ERBB4: variants seen among roughly 807,000 people sequenced by gnomAD.
ERBB4 encodes the protein erb-b2 receptor tyrosine kinase 4.
A neutral mutation model predicts 158.0 loss-of-function variants in ERBB4; 42 were observed. That is an observed-to-expected ratio of 0.27 (90% CI 0.21 to 0.34). The LOEUF (loss-of-function observed/expected upper bound fraction) is 0.34, where lower values mean the gene tolerates loss of function less well. ERBB4 is among the 10% of genes least tolerant of loss of function. The pLI is 1.00. For synonymous variants in ERBB4, 583 were observed against 558.7 expected, an observed-to-expected ratio of 1.04 and a Z score of -0.61; for missense variants, 1,333 against 1,624.1, an observed-to-expected ratio of 0.82 and a Z score of 3.08.
chr2:211,688,185 T>C (rs2072646513), intron 12 of ERBB4, among the ~76,000 whole-genome samples: 1 of 152,256 alleles, frequency 6.6e-6, no homozygotes, highest in African/African-American at 2.4e-5. Flanking sequence ...TTACCATTTC[T>C]GGTGCTCCTC....
At chr2:212,412,916 C>T (rs570458965) in intron 1 of ERBB4, among the ~76,000 whole-genome samples, 1 of 152,024 alleles carries the variant, frequency 6.6e-6, no homozygotes, top group Non-Finnish European at 1.5e-5. Context: ...CAGAATAATT[C>T]CCTCTGTATT....
chr2:212,177,977 T>G (rs1014895937), intron 1 of ERBB4, among the ~76,000 whole-genome samples: 3 of 151,612 alleles, frequency 2.0e-5, no homozygotes, highest in Non-Finnish European at 4.4e-5. Flanking sequence ...TGTGTGTGTG[T>G]GTGTTGGGAA....
intron 1 of ERBB4, among the ~76,000 whole-genome samples, chr2:212,212,307 T>C (rs1355829122): frequency 2.0e-5 from 3 of 152,026 alleles, no homozygotes; most frequent in African/African-American, 7.2e-5. Context: ...TGAACTCCCA[T>C]TTACAATTGC....
intron 1 of ERBB4, among the ~76,000 whole-genome samples, chr2:212,225,457 G>A (rs1042998539): frequency 7.2e-4 from 82 of 113,438 alleles, no homozygotes; most frequent in Non-Finnish European, 2.3e-4. Context: ...TTGATCTTTC[G>A]AATTATGAAA....
intron 1 of ERBB4, among the ~76,000 whole-genome samples, chr2:212,475,583 A>G (rs1689346014): frequency 6.6e-6 from 1 of 152,126 alleles, no homozygotes; most frequent in Non-Finnish European, 1.5e-5. Context: ...CAATTATAAG[A>G]ATATGCTATT....
chr2:211,603,320 T>A (rs772553190), intron 19 of ERBB4, among the ~76,000 whole-genome samples: 1 of 152,118 alleles, frequency 6.6e-6, no homozygotes, highest in Non-Finnish European at 1.5e-5. Context: ...CCTGTAAGTA[T>A]CTGACATTGG....
At chr2:211,497,206 A>C in intron 20 of ERBB4, among the ~76,000 whole-genome samples, 1 of 152,262 alleles carries the variant, frequency 6.6e-6, no homozygotes, top group Middle Eastern at 3.4e-3. Flanking sequence ...GGCATGTATT[A>C]TTTCCATAAC....
chr2:212,149,436 T>G (rs933692196), intron 1 of ERBB4, among the ~76,000 whole-genome samples: 3 of 152,140 alleles, frequency 2.0e-5, no homozygotes, highest in Admixed American at 6.5e-5. Flanking sequence ...TGTAGTAAAT[T>G]GAACATGAAA....
chr2:211,750,927 A>G (rs2075113844), intron 4 of ERBB4, among the ~76,000 whole-genome samples: 1 of 152,186 alleles, frequency 6.6e-6, no homozygotes, highest in Admixed American at 6.5e-5. Context: ...TCCTCTTATC[A>G]TTTTTTAGGA....
intron 20 of ERBB4, among the ~76,000 whole-genome samples, chr2:211,467,010 T>C (rs1477913467): frequency 1.3e-5 from 2 of 152,126 alleles, no homozygotes; most frequent in East Asian, 1.9e-4. Context: ...CATTATATTA[T>C]ATATATTACT....
At chr2:212,165,063 G>A (rs777029054) in intron 1 of ERBB4, among the ~76,000 whole-genome samples, 11 of 151,760 alleles carry the variant, frequency 7.2e-5, no homozygotes, top group Non-Finnish European at 1.3e-4. Context: ...TGCTGCGGTC[G>A]ACTTTGTCCA....
chr2:212,489,138 A>G (rs980284349), intron 1 of ERBB4, among the ~76,000 whole-genome samples: 17 of 151,868 alleles, frequency 1.1e-4, no homozygotes, highest in African/African-American at 4.1e-4. Flanking sequence ...ATAATAGTTA[A>G]GTATAAAATA....
intron 1 of ERBB4, among the ~76,000 whole-genome samples, chr2:212,160,907 G>C (rs2081184845): frequency 6.6e-6 from 1 of 151,942 alleles, no homozygotes; most frequent in South Asian, 2.1e-4. Context: ...CATTATGACT[G>C]TGTGTATATT....
chr2:211,384,821 T>C (rs2062651531), intron 27 of ERBB4, among the ~76,000 whole-genome samples: 1 of 152,158 alleles, frequency 6.6e-6, no homozygotes. Flanking sequence ...TTTTGTATAT[T>C]GAAACCAGTC....
At chr2:211,955,751 T>A (rs1027036455) in intron 2 of ERBB4, among the ~76,000 whole-genome samples, 3 of 152,158 alleles carry the variant, frequency 2.0e-5, no homozygotes, top group African/African-American at 7.2e-5. Flanking sequence ...TTAAACTGTT[T>A]CTGCATAATA....
chr2:212,290,353 T>C (rs1277820429), intron 1 of ERBB4, among the ~76,000 whole-genome samples: 1 of 152,132 alleles, frequency 6.6e-6, no homozygotes, highest in African/African-American at 2.4e-5. Flanking sequence ...GTACATAGCA[T>C]TGTGTGATAT....
chr2:212,055,662 G>A (rs964610430), intron 2 of ERBB4, among the ~76,000 whole-genome samples: 7 of 152,334 alleles, frequency 4.6e-5, no homozygotes, highest in Non-Finnish European at 7.3e-5. Flanking sequence ...ATACCCAGGC[G>A]AACAGGATTT....
At chr2:212,341,695 T>C (rs1574723265) in intron 1 of ERBB4, among the ~76,000 whole-genome samples, 2 of 152,106 alleles carry the variant, frequency 1.3e-5, no homozygotes, top group African/African-American at 2.4e-5. Context: ...AATTTCTTTA[T>C]TTAGTTATTT....
chr2:212,103,217 A>G (rs2079132797), intron 2 of ERBB4, among the ~76,000 whole-genome samples: 2 of 152,062 alleles, frequency 1.3e-5, no homozygotes, highest in African/African-American at 4.8e-5. Flanking sequence ...TGCTTGGGGC[A>G]TTTGTTACTT....
Sources: allele counts gnomAD v4.1 joint callset (sites outside exome capture counted in the v4.1 genomes callset), GRCh38; gene constraint gnomAD v4.1.1; transcripts MANE v1.5; gene names NCBI Gene and HGNC (gene_info 2026-07-23, HGNC 2026-07-21).